PGBD2: variants seen among roughly 807,000 people sequenced by gnomAD.
PGBD2 encodes the protein piggyBac transposable element derived 2.
Under a neutral mutation model 8.1 loss-of-function variants are expected in PGBD2, and 6 were observed. The ratio of observed to expected loss-of-function variants is 0.74; its 90% CI spans 0.40 to 1.46. The LOEUF (loss-of-function observed/expected upper bound fraction) is 1.46, where lower values mean the gene tolerates loss of function less well. Ranked by LOEUF, PGBD2 falls within the 40% of genes most tolerant of loss-of-function variation. The probability of loss-of-function intolerance (pLI) is 0.02; values close to 1 mark genes in which losing one functional copy is unlikely to be tolerated. For missense variants in PGBD2, 802 were observed against 739.0 expected (o/e 1.09, Z -0.99); for synonymous variants, 318 against 272.2 (o/e 1.17, Z -1.66).
chr1:248,892,312 T>C, the PGBD2 span, among the ~76,000 whole-genome samples: 1 of 131,872 alleles, frequency 7.6e-6, no homozygotes, highest in Non-Finnish European at 1.6e-5. Context: ...TCCTTCCTTC[T>C]TTCCTTTCTT....
chr1:248,928,866 C>A, the PGBD2 span, among the ~76,000 whole-genome samples: 1 of 152,166 alleles, frequency 6.6e-6, no homozygotes, highest in African/African-American at 2.4e-5. Context: ...CTGCCATATG[C>A]ATAGTTCAAA....
At chr1:248,920,829 C>T (rs1034445443), downstream of PGBD2, among the ~76,000 whole-genome samples, 22 of 152,138 alleles carry the variant, frequency 1.4e-4, no homozygotes, top group Non-Finnish European at 2.1e-4. Context: ...TGTTAATGAT[C>T]GCCATTCTAA....
intron 1 of PGBD2, among the ~76,000 whole-genome samples, chr1:248,911,839 G>A (rs1476492507): frequency 6.6e-6 from 1 of 151,670 alleles, no homozygotes; most frequent in African/African-American, 2.4e-5. Flanking sequence ...TACTTCCTCT[G>A]TCCACTAACT....
chr1:248,890,383 T>G, the PGBD2 span, among the ~76,000 whole-genome samples: 66 of 152,296 alleles, frequency 4.3e-4, no homozygotes, highest in African/African-American at 1.5e-3. Context: ...ACTATTATTG[T>G]GTTCACCGTT....
the PGBD2 span, among the ~76,000 whole-genome samples, chr1:248,875,146 A>G: frequency 0.011 from 1,697 of 152,004 alleles, 31 homozygotes; most frequent in African/African-American, 0.038. Flanking sequence ...AAATACAAAA[A>G]TTAGCTGAGC....
rs368447959 is a variant in PGBD2 at position 248,916,622 on chromosome 1, G to A, written c.38G>A (p.Gly13Asp). 1.2e-6 allele frequency: 2 copies of A among 1,613,918 alleles called. No homozygotes were observed. The highest frequency in any genetic ancestry group is 1.7e-6 in the Non-Finnish European group (2 of 1,179,978). The change falls in exon 3 of 3, where the codon GGT becomes GAT. Residue 13 changes from glycine to aspartate, a missense_variant. Physicochemically the swap from Gly to Asp is moderately conservative, Grantham distance 94. Coordinates refer to ENST00000329291, the MANE Select transcript of PGBD2 (RefSeq NM_170725.3). ...AACAGAGATGTCATTGCTGGGAGAG[G>A]TATCCACTCAAAGGTGAAGTCTGCA... ...STSRDVIAGR[G>D]IHSKVKSAKL...
At chr1:248,911,724 C>T (rs941389256) in intron 1 of PGBD2, among the ~76,000 whole-genome samples, 124 of 150,554 alleles carry the variant, frequency 8.2e-4, no homozygotes, top group African/African-American at 2.0e-3. Flanking sequence ...ACCTCCCGGA[C>T]GGGGCGGCTG....
In PGBD2 at chr1:248,917,191, A is replaced by G; in HGVS notation, c.607A>G (p.Thr203Ala). 2 of 1,613,750 alleles carry G rather than the reference A, an allele frequency of 1.2e-6. No individual in the cohort carries two copies. Among genetic ancestry groups the G allele is most frequent in the Non-Finnish European group, 1.7e-6 (2 of 1,179,964 alleles). ...TCCAAGGAGAAGGATGTTCTGGGAAACCTCTCCCGATTCACATCATCATCT... is the reference window on the plus strand; with the variant it reads ...TCCAAGGAGAAGGATGTTCTGGGAAGCCTCTCCCGATTCACATCATCATCT... Reference protein sequence around the residue: ...SYPRRRMFWETSPDSHHHLVA... With the variant: ...SYPRRRMFWEASPDSHHHLVA... Residue 203 changes from threonine to alanine, a missense_variant, in exon 3 of 3, where the codon ACC becomes GCC. Physicochemically the swap from Thr to Ala is moderately conservative, Grantham distance 58. Transcript: ENST00000329291.
At position 248,915,977 on chromosome 1, in the gene PGBD2, T is replaced by C. The variant is rs73136492; in HGVS notation, c.18-625T>C. Among the ~76,000 whole-genome samples, 670 of 152,328 alleles carry C rather than the reference T, an allele frequency of 4.4e-3. 1 individual carries two copies. Among genetic ancestry groups the C allele is most frequent in the African/African-American group, 0.015 (628 of 41,578 alleles). On this transcript the variant is annotated intron_variant, in intron 2 of 2. Transcript: ENST00000329291. ...CCCAGGGCTCCCTGTTGCCAGTTTCTGTTATCTGGGGTGATGACAGCAGCA... is the reference window on the plus strand; with the variant it reads ...CCCAGGGCTCCCTGTTGCCAGTTTCCGTTATCTGGGGTGATGACAGCAGCA...
At chr1:248,890,977 C>G in the PGBD2 span, among the ~76,000 whole-genome samples, 1 of 151,860 alleles carries the variant, frequency 6.6e-6, no homozygotes, top group Non-Finnish European at 1.5e-5. Context: ...ACAGACATCA[C>G]ACATCACAGA....
At chr1:248,890,427 A>G in the PGBD2 span, among the ~76,000 whole-genome samples, 1 of 152,178 alleles carries the variant, frequency 6.6e-6, no homozygotes, top group Non-Finnish European at 1.5e-5. Flanking sequence ...TGGGATTAGG[A>G]ATCTTGCCCA....
chr1:248,911,913 G>C lies in PGBD2; in HGVS notation c.-47-1903G>C, dbSNP rs1572275289. Among the ~76,000 whole-genome samples, 2 of 152,132 alleles carry C rather than the reference G, an allele frequency of 1.3e-5. 1 individual carries two copies. Among genetic ancestry groups the C allele is most frequent in the East Asian group, 3.9e-4 (2 of 5,168 alleles). On this transcript the variant is annotated intron_variant, in intron 1 of 2. Transcript: ENST00000329291. ...ATGACACCAGGTGGGAGAGTTATTG[G>C]AGATGCGCAGAGAGGGGTTGTTGGT...
chr1:248,875,033 G>C, the PGBD2 span, among the ~76,000 whole-genome samples: 6 of 152,170 alleles, frequency 3.9e-5, no homozygotes, highest in South Asian at 2.1e-4. Flanking sequence ...CGCGGTGGCT[G>C]ACGCCTGTAA....
chr1:248,930,121 T>A, the PGBD2 span, among the ~76,000 whole-genome samples: 1 of 152,198 alleles, frequency 6.6e-6, no homozygotes, highest in Non-Finnish European at 1.5e-5. Context: ...AGGTCTTGTT[T>A]TATAAAAGCA....
At chr1:248,919,951 A>C (rs1662250394), downstream of PGBD2, 1 of 152,360 alleles carries the variant, frequency 6.6e-6, no homozygotes, top group African/African-American at 2.4e-5. Flanking sequence ...ATCTCGGCTC[A>C]CTGCATCCTC....
chr1:248,904,930 C>T (rs553643278), upstream of PGBD2, among the ~76,000 whole-genome samples: 82 of 152,170 alleles, frequency 5.4e-4, no homozygotes, highest in African/African-American at 1.9e-3. Context: ...TCTCTTGTGC[C>T]TTTTCTTTTT....
the PGBD2 span, among the ~76,000 whole-genome samples, chr1:248,900,561 C>G: frequency 6.6e-6 from 1 of 152,134 alleles, no homozygotes; most frequent in Non-Finnish European, 1.5e-5. Flanking sequence ...GTTAAAAACT[C>G]TCAATAAACT....
At chr1:248,916,284 C>T (rs1023300112) in intron 2 of PGBD2, among the ~76,000 whole-genome samples, 3 of 152,060 alleles carry the variant, frequency 2.0e-5, no homozygotes, top group East Asian at 1.9e-4. Context: ...CATGGTGGCA[C>T]GCACCTGTAG....
rs774974024 is a variant in PGBD2 at position 248,917,357 on chromosome 1, A to C, written c.773A>C (p.Lys258Thr). 6.2e-7 allele frequency: 1 copy of C among 1,614,168 alleles called. No individual in the cohort carries two copies. Among genetic ancestry groups the C allele is most frequent in the East Asian group, 2.2e-5 (1 of 44,876 alleles). Residue 258 changes from lysine to threonine, a missense_variant, in exon 3 of 3, where the codon AAG becomes ACG. Physicochemically the swap from Lys to Thr is moderately conservative, Grantham distance 78. Transcript: ENST00000329291. Reference protein sequence around the residue: ...LIIRMNCNFQKHAPLEEFYSF... With the variant: ...LIIRMNCNFQTHAPLEEFYSF... ...ATCCGGATGAACTGCAATTTCCAGA[A>C]GCATGCACCCTTGGAAGAGTTCTAC...
Sources: allele counts gnomAD v4.1 joint callset (sites outside exome capture counted in the v4.1 genomes callset), GRCh38; gene constraint gnomAD v4.1.1; transcripts MANE v1.5; gene names NCBI Gene and HGNC (gene_info 2026-07-23, HGNC 2026-07-21).